Variants in TLN2 observed in about 807,000 individuals in gnomAD.
The protein encoded by TLN2 is talin 2, also known as talin-2.
Under a neutral mutation model 294.7 loss-of-function variants are expected in TLN2, and 118 were observed. The ratio of observed to expected loss-of-function variants is 0.40; its 90% CI spans 0.34 to 0.47. TLN2 has a LOEUF of 0.47. Among genes scored for constraint, TLN2 ranks in the 20% least tolerant of loss-of-function variants. The pLI is 0.84. For missense variants in TLN2, 3,083 were observed against 3,282.2 expected (o/e 0.94, Z 1.48); for synonymous variants, 1,431 against 1,304.5 (o/e 1.10, Z -2.09).
intron 3 of TLN2, among the ~76,000 whole-genome samples, chr15:62,632,412 T>G (rs2049986867): frequency 6.6e-6 from 1 of 152,194 alleles, no homozygotes. Flanking sequence ...TTGGAAGGAC[T>G]TTAGTGATCA....
chr15:62,495,348 C>T (rs1400674485), intron 1 of TLN2, among the ~76,000 whole-genome samples: 1 of 152,186 alleles, frequency 6.6e-6, no homozygotes, highest in Non-Finnish European at 1.5e-5. Context: ...GGATCTTTCT[C>T]CCCAGAGAGA....
At chr15:62,819,182 A>G (rs2067354964) in intron 52 of TLN2, among the ~76,000 whole-genome samples, 1 of 152,174 alleles carries the variant, frequency 6.6e-6, no homozygotes, top group Admixed American at 6.6e-5. Context: ...CAGTTTGGTT[A>G]AATTTCAGGT....
intron 3 of TLN2, among the ~76,000 whole-genome samples, chr15:62,645,952 T>C (rs1277490642): frequency 2.0e-5 from 3 of 152,164 alleles, no homozygotes; most frequent in Non-Finnish European, 2.9e-5. Flanking sequence ...AGGAGTATAT[T>C]TGATAGAGAC....
At chr15:62,831,330 C>T (rs1179565648) in intron 54 of TLN2, 1 of 152,062 alleles carries the variant, frequency 6.6e-6, no homozygotes, top group East Asian at 1.9e-4. Context: ...CCTCCGTTTC[C>T]TCATCTGCAA....
At chr15:62,566,226 G>A (rs545518792) in intron 1 of TLN2, among the ~76,000 whole-genome samples, 68 of 152,196 alleles carry the variant, frequency 4.5e-4, no homozygotes, top group African/African-American at 1.5e-3. Flanking sequence ...AGTAGCTGGG[G>A]AGAAAGTTAG....
At chr15:62,695,265 T>G (rs1262038763) in intron 14 of TLN2, among the ~76,000 whole-genome samples, 1 of 152,172 alleles carries the variant, frequency 6.6e-6, no homozygotes, top group Non-Finnish European at 1.5e-5. Context: ...CATCTGGAAT[T>G]CCAATAACAA....
chr15:62,432,355 A>G (rs1005258019), intron 1 of TLN2, among the ~76,000 whole-genome samples: 1 of 152,172 alleles, frequency 6.6e-6, no homozygotes, highest in African/African-American at 2.4e-5. Context: ...CCAAAATCAA[A>G]GTGCTGGCTT....
rs373760172 is a variant in TLN2, at chr15:62,702,876, G to A, written c.2004+12G>A. 6.2e-7 allele frequency: 1 copy of A among 1,612,222 alleles called. No individual in the cohort carries two copies. The highest frequency in any genetic ancestry group is 8.5e-7 in the Non-Finnish European group (1 of 1,178,412). On this transcript the variant is annotated intron_variant, in intron 19 of 58. Transcript: ENST00000636159. ...ATGAGCGATTCCAGGTAAGATATTTGCAGGCTTATAGTCATGGAAAGAAGT... is the reference window on the plus strand; with the variant it reads ...ATGAGCGATTCCAGGTAAGATATTTACAGGCTTATAGTCATGGAAAGAAGT...
intron 1 of TLN2, among the ~76,000 whole-genome samples, chr15:62,537,664 T>A (rs550992603): frequency 6.6e-6 from 1 of 152,238 alleles, no homozygotes; most frequent in South Asian, 2.1e-4. Context: ...GCTCAGCCAG[T>A]GTAAGTTAGG....
rs747070066 is a variant in TLN2, at chr15:62,805,578, CCTCT to C, written c.6478-19_6478-16del. ...TTCGTTTCCTTTTTGATTTTTTTAA[CCTCT>C]CTGTTTCTGACTTCCAGGTGTTCCA... On this transcript the variant is annotated intron_variant, in intron 50 of 58. Transcript: ENST00000636159. 5.1e-6 allele frequency: 8 copies of C among 1,563,610 alleles called. No homozygotes were observed. Among genetic ancestry groups the C allele is most frequent in the Non-Finnish European group, 7.0e-6 (8 of 1,149,670 alleles).
chr15:62,466,638 G>C (rs2037151447), intron 1 of TLN2, among the ~76,000 whole-genome samples: 1 of 152,164 alleles, frequency 6.6e-6, no homozygotes, highest in Non-Finnish European at 1.5e-5. Context: ...TTCTCCTTTT[G>C]CTTTGGAATA....
chr15:62,542,358 A>AT (rs34677758), intron 1 of TLN2, among the ~76,000 whole-genome samples: 78,940 of 151,762 alleles, frequency 0.52, 21,528 homozygotes, highest in African/African-American at 0.7. Flanking sequence ...TACCTGGCTG[A>AT]TTTTGTATTT....
chr15:62,408,287 G>T (rs546218656), intron 1 of TLN2, among the ~76,000 whole-genome samples: 1 of 152,292 alleles, frequency 6.6e-6, no homozygotes, highest in Non-Finnish European at 1.5e-5. Context: ...TATAAAATGT[G>T]CTTGTATTAA....
rs752123140 is a variant in TLN2 at position 62,717,593 on chromosome 15, C to T, written c.2781C>T (p.Ala927=). 28 of 1,582,024 alleles carry T rather than the reference C, an allele frequency of 1.8e-5. No individual in the cohort carries two copies. The highest frequency in any genetic ancestry group is 3.3e-4 in the Middle Eastern group (2 of 5,978). The change falls in exon 24 of 59, where the codon GCC becomes GCT. Residue 927 remains alanine, a synonymous_variant. Transcript: ENST00000636159. ...CTCTGCAGGTTGCAGCCAAGCAGGC[C>T]GCAGCGGCAGCCACACAGACCATCG... ...VNRLEVAAKQ[A]AAAATQTIAA... is the part of the protein sequence containing the mutation.
At chr15:62,578,660 C>T (rs2044646958) in intron 1 of TLN2, among the ~76,000 whole-genome samples, 2 of 152,176 alleles carry the variant, frequency 1.3e-5, no homozygotes, top group South Asian at 4.1e-4. Context: ...CCATCCTGCT[C>T]ACAGAGATTT....
rs147240878 is a variant in TLN2 at position 62,832,589 on chromosome 15, T to A, written c.7003-915T>A. 4.6e-5 allele frequency: 7 copies of A among 152,342 alleles called. No homozygotes were observed. In the East Asian group the frequency reaches 1.4e-3, roughly 29 times the overall value. The allele number at this position is 152,342 out of a possible 1,614,324, so 9.4% of individuals were successfully genotyped here. A position where few individuals can be genotyped will look rare whatever the true frequency, so the allele number is the denominator to read the frequency against. On this transcript the variant is annotated intron_variant, in intron 54 of 58. Transcript: ENST00000636159. ...TGGTGGTGAATTTAGACCAGAACCC[T>A]AATGGTCTGATAACACCTACACAGT...
At chr15:62,556,456 G>A (rs2042611025) in intron 1 of TLN2, among the ~76,000 whole-genome samples, 3 of 151,944 alleles carry the variant, frequency 2.0e-5, no homozygotes, top group South Asian at 2.1e-4. Context: ...ACAGGTGCAC[G>A]CCACCATATC....
At chr15:62,458,438 C>T (rs2036606438) in intron 1 of TLN2, among the ~76,000 whole-genome samples, 1 of 152,026 alleles carries the variant, frequency 6.6e-6, no homozygotes, top group African/African-American at 2.4e-5. Flanking sequence ...ACATTGATTA[C>T]TTGTTAATAA....
intron 1 of TLN2, among the ~76,000 whole-genome samples, chr15:62,552,382 G>A (rs949282961): frequency 3.3e-5 from 5 of 152,112 alleles, no homozygotes; most frequent in Non-Finnish European, 5.9e-5. Flanking sequence ...ACAAATTCAT[G>A]TTTCAGGCAT....
Sources: gnomAD v4.1 joint callset for allele counts (sites outside exome capture counted in the v4.1 genomes callset) on GRCh38, gnomAD v4.1.1 for gene constraint, MANE v1.5 for transcripts, NCBI Gene and HGNC (gene_info 2026-07-23, HGNC 2026-07-21) for gene names.